Variants in BTBD1 observed in about 807,000 individuals in gnomAD.
BTBD1 encodes the protein BTB/POZ domain-containing protein 1.
BTBD1 carries 34 observed loss-of-function variants against 48.0 expected under a neutral mutation model. That is an observed-to-expected ratio of 0.71 (90% CI 0.54 to 0.94). The LOEUF (loss-of-function observed/expected upper bound fraction) is 0.94, where lower values mean the gene tolerates loss of function less well. BTBD1 is among the 40% of genes least tolerant of loss of function. The pLI, the probability that BTBD1 is intolerant of heterozygous loss-of-function variation, is 0.00. For missense variants in BTBD1, 543 were observed against 625.6 expected (o/e 0.87, Z 1.41); for synonymous variants, 261 against 242.1 (o/e 1.08, Z -0.72).
chr15:83,062,372 G>A (rs2033189970), intron 1 of BTBD1, among the ~76,000 whole-genome samples: 1 of 152,202 alleles, frequency 6.6e-6, no homozygotes, highest in Non-Finnish European at 1.5e-5. Context: ...GAAATGTGTA[G>A]AATGGAGTGA....
In BTBD1 at chr15:83,067,131, G is replaced by T. The variant is rs755905193; in HGVS notation, c.21C>A (p.Ala7=). MASLGP[A]AAGEQASGAE... The stretch of plus-strand genomic sequence containing the variant: ...CCCCCGACGCCTGCTCCCCAGCTGC[G>T]GCAGGCCCGAGTGAGGCCATCCTCC... Residue 7 remains alanine, a synonymous_variant, in exon 1 of 8, where the codon GCC becomes GCA. Transcript: ENST00000261721. 1 of 1,441,020 alleles carries T rather than the reference G, an allele frequency of 6.9e-7. No homozygotes were observed. The highest frequency in any genetic ancestry group is 2.8e-5 in the East Asian group (1 of 35,674). The allele number at this position is 1,441,020 out of a possible 1,614,324, so 89.3% of individuals were successfully genotyped here.
rs75468879 is a variant in BTBD1, at chr15:83,026,228, T to C, written c.1055+3908A>G. 1.5e-3 allele frequency among the ~76,000 whole-genome samples: 233 copies of C among 152,244 alleles called. 3 individuals are homozygous for C. The East Asian group carries it at 0.033, about 21-fold the overall frequency. On this transcript the variant is annotated intron_variant, in intron 5 of 7. Coordinates refer to ENST00000261721, the MANE Select transcript of BTBD1 (RefSeq NM_025238.4). ...TTTTATAAGTGGCCACTATTCTCTT[T>C]TATTGGTTCTAGTAGTTTTTTAGCT...
In BTBD1 at chr15:83,018,116, C is replaced by G. The variant is rs758232768; in HGVS notation, c.1400G>C (p.Gly467Ala). 6.2e-7 allele frequency: 1 copy of G among 1,610,220 alleles called. No individual in the cohort carries two copies. The highest frequency in any genetic ancestry group is 1.1e-5 in the South Asian group (1 of 90,498). The change falls in exon 8 of 8, where the codon GGC (glycine) becomes GCC (alanine). Residue 467 changes from glycine (G) to alanine (A), a missense_variant. Transcript: ENST00000261721. ...AATTTGTCCATCTTCTATTGAAGTGCCATTATTATTGCCAGGGGAACTAAA... is the reference window on the plus strand; with the variant it reads ...AATTTGTCCATCTTCTATTGAAGTGGCATTATTATTGCCAGGGGAACTAAA... ...FFFSSPGNNN[G>A]TSIEDGQIPE...
chr15:83,066,932 C>T lies in BTBD1; in HGVS notation c.220G>A (p.Val74Ile), dbSNP rs750918765. 3.2e-6 allele frequency: 5 copies of T among 1,569,602 alleles called. No homozygotes were observed. In the South Asian group the frequency reaches 5.8e-5, roughly 18 times the overall value. ...NSELLSDVRF[V>I]LGKGRGAAAA... is the part of the protein sequence containing the mutation. ...GCGGCGCCGCGACCCTTGCCCAGTA[C>T]GAAGCGCACATCGCTCAGCAGCTCC... Residue 74 changes from valine to isoleucine, a missense_variant, in exon 1 of 8, where the codon GTA (valine) becomes ATA (isoleucine). This residue lies in a region of BTBD1 where 173 missense variants were observed against 163.9 expected (regional missense o/e 1.06). Coordinates refer to ENST00000261721, the MANE Select transcript of BTBD1 (RefSeq NM_025238.4).
intron 2 of BTBD1, among the ~76,000 whole-genome samples, chr15:83,054,380 T>C (rs2033046154): frequency 6.6e-6 from 1 of 152,072 alleles, no homozygotes; most frequent in South Asian, 2.1e-4. Flanking sequence ...AATATTAAAC[T>C]ACATCACAGC....
intron 5 of BTBD1, among the ~76,000 whole-genome samples, chr15:83,029,152 T>G (rs1025021243): frequency 6.6e-6 from 1 of 152,244 alleles, no homozygotes; most frequent in African/African-American, 2.4e-5. Context: ...CAAGTACATT[T>G]TTAATTTCCA....
At position 83,018,112 on chromosome 15, in the gene BTBD1, A is replaced by T. The variant is rs1442413328; in HGVS notation, c.1404T>A (p.Thr468=). 2 of 1,610,792 alleles carry T rather than the reference A, an allele frequency of 1.2e-6. No individual in the cohort carries two copies. Among genetic ancestry groups the T allele is most frequent in the African/African-American group, 2.7e-5 (2 of 74,844 alleles). ...FFSSPGNNNG[T]SIEDGQIPEI... is the part of the protein sequence containing the mutation. Reference sequence around the variant, plus strand: ...CTGGAATTTGTCCATCTTCTATTGAAGTGCCATTATTATTGCCAGGGGAAC... The same window carrying T: ...CTGGAATTTGTCCATCTTCTATTGATGTGCCATTATTATTGCCAGGGGAAC... Residue 468 remains threonine (T), a synonymous_variant, in exon 8 of 8, where the codon ACT becomes ACA. Coordinates refer to ENST00000261721, the MANE Select transcript of BTBD1 (RefSeq NM_025238.4).
At chr15:83,048,822 G>C (rs1447393711) in intron 3 of BTBD1, among the ~76,000 whole-genome samples, 2 of 152,144 alleles carry the variant, frequency 1.3e-5, no homozygotes, top group Non-Finnish European at 2.9e-5. Context: ...AAATAAATGT[G>C]AGCTATACAT....
Position 83,034,732 on chromosome 15 carries a change from AAAG to A in BTBD1, c.863-4407_863-4405del, listed in dbSNP as rs565365696. 8.6e-4 allele frequency among the ~76,000 whole-genome samples: 131 copies of A among 152,294 alleles called. 1 individual carries two copies. The highest frequency in any genetic ancestry group is 1.6e-3 in the Non-Finnish European group (109 of 68,022). Reference sequence around the variant, plus strand: ...TCCTAAATTTGAAGGTACCTAAAATAAAGAAGAAAATAAAGAAGAAAACTGATG... The same window carrying A: ...TCCTAAATTTGAAGGTACCTAAAATAAAGAAAATAAAGAAGAAAACTGATG... On this transcript the variant is annotated intron_variant, in intron 4 of 7. Coordinates refer to ENST00000261721, the MANE Select transcript of BTBD1 (RefSeq NM_025238.4).
intron 4 of BTBD1, among the ~76,000 whole-genome samples, chr15:83,041,035 C>T (rs2151306590): frequency 6.6e-6 from 1 of 151,636 alleles, no homozygotes; most frequent in South Asian, 2.1e-4. Flanking sequence ...ACCTATAGTC[C>T]CTGCTATTTG....
chr15:83,060,654 C>T (rs937300971), intron 1 of BTBD1, among the ~76,000 whole-genome samples: 5 of 151,976 alleles, frequency 3.3e-5, no homozygotes, highest in Admixed American at 1.3e-4. Context: ...ATTAGCCAGG[C>T]GTGGTGGCAC....
chr15:83,031,382 T>A (rs952226948), intron 4 of BTBD1, among the ~76,000 whole-genome samples: 1 of 152,210 alleles, frequency 6.6e-6, no homozygotes, highest in African/African-American at 2.4e-5. Context: ...CCAACCCAAA[T>A]GTCCATCAAT....
intron 4 of BTBD1, among the ~76,000 whole-genome samples, chr15:83,035,498 GA>G (rs71156068): frequency 0.14 from 20,533 of 147,238 alleles, 1,514 homozygotes; most frequent in Middle Eastern, 0.23. Context: ...ATGAGTCAAA[GA>G]AAAAAAAAGC....
intron 1 of BTBD1, among the ~76,000 whole-genome samples, chr15:83,066,072 G>A (rs191816436): frequency 6.6e-6 from 1 of 152,048 alleles, no homozygotes; most frequent in Non-Finnish European, 1.5e-5. Flanking sequence ...TGGACGGATC[G>A]CTTGACCCCA....
chr15:83,059,687 A>C (rs2033146459), intron 1 of BTBD1, among the ~76,000 whole-genome samples: 1 of 152,186 alleles, frequency 6.6e-6, no homozygotes, highest in Non-Finnish European at 1.5e-5. Flanking sequence ...GGCTCAGGTG[A>C]ATCTCCTGCT....
chr15:83,025,092 C>T (rs1360492230), intron 5 of BTBD1, among the ~76,000 whole-genome samples: 4 of 152,120 alleles, frequency 2.6e-5, no homozygotes, highest in Admixed American at 1.3e-4. Flanking sequence ...GTTGCTCACA[C>T]CTGTAATCCC....
intron 4 of BTBD1, among the ~76,000 whole-genome samples, chr15:83,032,796 A>G (rs1367551162): frequency 6.6e-6 from 1 of 151,968 alleles, no homozygotes; most frequent in Non-Finnish European, 1.5e-5. Flanking sequence ...ACATGGTGAA[A>G]CCCCATCTCT....
chr15:83,045,282 G>A (rs1036491165), intron 3 of BTBD1, among the ~76,000 whole-genome samples: 107 of 152,252 alleles, frequency 7.0e-4, no homozygotes, highest in African/African-American at 2.6e-3. Context: ...ATCACCTGAG[G>A]TCAGGAGTTC....
At chr15:83,040,336 A>G (rs972382325) in intron 4 of BTBD1, among the ~76,000 whole-genome samples, 1 of 152,212 alleles carries the variant, frequency 6.6e-6, no homozygotes, top group Non-Finnish European at 1.5e-5. Context: ...AAACTTCAGC[A>G]TCACACAATA....
Sources: allele counts gnomAD v4.1 joint callset (sites outside exome capture counted in the v4.1 genomes callset), GRCh38; gene constraint gnomAD v4.1.1; regional missense constraint gnomAD v4.1.1; transcripts MANE v1.5; gene names NCBI Gene and HGNC (gene_info 2026-07-23, HGNC 2026-07-21).